Variants in RAB27A observed in about 807,000 individuals in gnomAD.
RAB27A encodes the protein ras-related protein Rab-27A.
A neutral mutation model predicts 20.8 loss-of-function variants in RAB27A; 17 were observed. The ratio of observed to expected loss-of-function variants is 0.82; its 90% CI spans 0.56 to 1.23. The LOEUF (loss-of-function observed/expected upper bound fraction) is 1.23. Ranked by LOEUF, RAB27A falls within the 50% of genes most tolerant of loss-of-function variation. The pLI is 0.00. For missense variants in RAB27A, 277 were observed against 266.7 expected, an observed-to-expected ratio of 1.04 and a Z score of -0.27; for synonymous variants, 85 against 92.8, an observed-to-expected ratio of 0.92 and a Z score of 0.48.
intron 2 of RAB27A, among the ~76,000 whole-genome samples, chr15:55,266,141 G>A (rs1566928979): frequency 6.6e-6 from 1 of 152,202 alleles, no homozygotes; most frequent in Non-Finnish European, 1.5e-5. Context: ...AAGTAATTAG[G>A]TTTTGAGGAT....
At chr15:55,209,882 G>GTA (rs1404704383) in intron 6 of RAB27A, among the ~76,000 whole-genome samples, 5 of 86,148 alleles carry the variant, frequency 5.8e-5, no homozygotes, top group Admixed American at 1.9e-4. Flanking sequence ...ATATATGTGT[G>GTA]TGTATACATA....
At chr15:55,248,623 T>C (rs1306105800) in intron 2 of RAB27A, among the ~76,000 whole-genome samples, 1 of 152,224 alleles carries the variant, frequency 6.6e-6, no homozygotes, top group Non-Finnish European at 1.5e-5. Context: ...AATGAAAAGG[T>C]AGCATTCTGA....
Position 55,270,228 on chromosome 15 carries a change from G to C in RAB27A, c.-86C>G, listed in dbSNP as rs1214975020. ...AACGTTAGAGACTGGAGTTACCAAT[G>C]CTTCAACAATTGACAACTTCCAATC... On this transcript the variant is annotated 5_prime_UTR_variant, in exon 2 of 7. Coordinates refer to ENST00000336787, the MANE Select transcript of RAB27A (RefSeq NM_183235.3). 6.6e-6 allele frequency: 1 copy of C among 152,066 alleles called. No homozygotes were observed. The highest frequency in any genetic ancestry group is 1.5e-5 in the Non-Finnish European group (1 of 68,008). 9.4% of individuals were successfully genotyped at this position (152,066 alleles called of 1,614,324 possible).
chr15:55,294,679 TAACTC>T (rs2054940382), upstream of RAB27A, among the ~76,000 whole-genome samples: 3 of 149,982 alleles, frequency 2.0e-5, no homozygotes, highest in Admixed American at 2.0e-4. Context: ...ACACAAAAAT[TAACTC>T]AAAATGAATC....
intron 2 of RAB27A, among the ~76,000 whole-genome samples, chr15:55,251,252 G>A (rs992153974): frequency 4.6e-5 from 7 of 152,200 alleles, no homozygotes; most frequent in African/African-American, 1.7e-4. Context: ...TGTCCCTGGT[G>A]AGAACTGCAA....
At chr15:55,210,355 G>A (rs1008766417) in intron 6 of RAB27A, among the ~76,000 whole-genome samples, 13 of 148,452 alleles carry the variant, frequency 8.8e-5, no homozygotes, top group African/African-American at 2.8e-4. Flanking sequence ...AACAATGTAC[G>A]GGTTCACCTT....
intron 2 of RAB27A, among the ~76,000 whole-genome samples, chr15:55,295,259 G>A (rs1029744241): frequency 1.3e-5 from 2 of 152,104 alleles, no homozygotes; most frequent in East Asian, 3.9e-4. Context: ...TGGAGAAACT[G>A]GGAATGTAAA....
chr15:55,247,536 G>T (rs1472955060), intron 2 of RAB27A, among the ~76,000 whole-genome samples: 1 of 152,134 alleles, frequency 6.6e-6, no homozygotes, highest in Non-Finnish European at 1.5e-5. Context: ...GACCAACACA[G>T]ACTGACTCTC....
At chr15:55,260,750 T>C (rs1283980856) in intron 2 of RAB27A, among the ~76,000 whole-genome samples, 2 of 152,042 alleles carry the variant, frequency 1.3e-5, no homozygotes, top group Non-Finnish European at 2.9e-5. Flanking sequence ...CAAAGATCAG[T>C]GGTTATTAGG....
Position 55,246,613 on chromosome 15 carries a change from A to G in RAB27A, c.-22-11657T>C, listed in dbSNP as rs534787922. The stretch of plus-strand genomic sequence containing the variant: ...TTGCTCCATAGATATAGGGTAATAG[A>G]AAAAAAAAAAGCACACATAGAATAT... On this transcript the variant is annotated intron_variant, in intron 2 of 6. Coordinates refer to ENST00000336787, the MANE Select transcript of RAB27A (RefSeq NM_183235.3). 6.8e-5 allele frequency among the ~76,000 whole-genome samples: 10 copies of G among 147,696 alleles called. No individual in the cohort carries two copies. The South Asian group carries it at 2.1e-3, about 32-fold the overall frequency.
rs1270419472 is a variant in RAB27A, at chr15:55,209,754, GTA to G, written c.468-4051_468-4050del. On this transcript the variant is annotated intron_variant, in intron 6 of 6. Transcript: ENST00000336787. Reference sequence around the variant, plus strand: ...CACATATATATACACATATATATGTGTATGTGTGTACATATACATATATACAC... The same window carrying G: ...CACATATATATACACATATATATGTGTGTGTGTACATATACATATATACAC... Among the ~76,000 whole-genome samples the G allele has an allele frequency of 1.2e-4, 17 of 137,290 alleles. 1 individual carries two copies. The highest frequency in any genetic ancestry group is 4.4e-4 in the African/African-American group (14 of 31,792). 90.1% of individuals were successfully genotyped at this position (137,290 alleles called of 152,430 possible). A position where few individuals can be genotyped will look rare whatever the true frequency, so the allele number is the denominator to read the frequency against.
At chr15:55,217,566 G>A (rs111557449) in intron 6 of RAB27A, among the ~76,000 whole-genome samples, 4,520 of 148,592 alleles carry the variant, frequency 0.03, 232 homozygotes, top group African/African-American at 0.11. Flanking sequence ...TCGGGAGGGT[G>A]AGGCAGGAGA....
intron 1 of RAB27A, among the ~76,000 whole-genome samples, chr15:55,288,689 A>C (rs1270995069): frequency 2.0e-5 from 3 of 152,096 alleles, no homozygotes; most frequent in African/African-American, 7.2e-5. Context: ...ACATAAACCA[A>C]CATAAAATAC....
intron 6 of RAB27A, among the ~76,000 whole-genome samples, chr15:55,216,293 A>T (rs573544389): frequency 6.6e-6 from 1 of 152,214 alleles, no homozygotes; most frequent in Admixed American, 6.5e-5. Context: ...CAGCACTTTG[A>T]GAGGCCAAGG....
chr15:55,215,379 G>A (rs1329066761), intron 6 of RAB27A, among the ~76,000 whole-genome samples: 1 of 152,192 alleles, frequency 6.6e-6, no homozygotes, highest in Non-Finnish European at 1.5e-5. Context: ...CCGGCCGGGC[G>A]CGGTGGCTCA....
chr15:55,264,000 C>A (rs1487194839), intron 2 of RAB27A, among the ~76,000 whole-genome samples: 1 of 152,156 alleles, frequency 6.6e-6, no homozygotes, highest in Non-Finnish European at 1.5e-5. Context: ...CACCTGACTC[C>A]AAAGAGTCTC....
chr15:55,209,802 A>G lies in RAB27A; in HGVS notation c.468-4097T>C, dbSNP rs1379229761. On this transcript the variant is annotated intron_variant, in intron 6 of 6. Transcript: ENST00000336787. Reference sequence around the variant, plus strand: ...TACACACATATGTGTGTATGTATACATATATACACACATGTGTGTATATAT... The same window carrying G: ...TACACACATATGTGTGTATGTATACGTATATACACACATGTGTGTATATAT... Among the ~76,000 whole-genome samples the G allele has an allele frequency of 1.1e-4, 15 of 133,378 alleles. 1 individual carries two copies. The highest frequency in any genetic ancestry group is 6.8e-4 in the South Asian group (3 of 4,444). 87.5% of individuals were successfully genotyped at this position (133,378 alleles called of 152,430 possible). A position where few individuals can be genotyped will look rare whatever the true frequency, so the allele number is the denominator to read the frequency against.
intron 4 of RAB27A, among the ~76,000 whole-genome samples, chr15:55,229,181 C>T (rs1433314989): frequency 6.6e-6 from 1 of 152,080 alleles, no homozygotes; most frequent in Non-Finnish European, 1.5e-5. Context: ...AAGGCTTTAT[C>T]CTTCTGTCTT....
intron 1 of RAB27A, among the ~76,000 whole-genome samples, chr15:55,281,162 T>A (rs1434970618): frequency 6.6e-6 from 1 of 152,224 alleles, no homozygotes; most frequent in African/African-American, 2.4e-5. Context: ...GCCATTTTCA[T>A]GTATAGCCAG....
Sources: gnomAD v4.1 joint callset for allele counts (sites outside exome capture counted in the v4.1 genomes callset) on GRCh38, gnomAD v4.1.1 for gene constraint, MANE v1.5 for transcripts, NCBI Gene and HGNC (gene_info 2026-07-23, HGNC 2026-07-21) for gene names.